The following CDK8 variants were observed in gnomAD, a reference collection of about 807,000 sequenced individuals.
CDK8 encodes cyclin-dependent kinase 8.
A neutral mutation model predicts 71.5 loss-of-function variants in CDK8; 29 were observed. The observed-to-expected ratio is 0.41, with a 90% CI of 0.30 to 0.55. The LOEUF (loss-of-function observed/expected upper bound fraction) is 0.55, where lower values mean the gene tolerates loss of function less well. Ranked by LOEUF, CDK8 falls within the 20% of genes least tolerant of loss-of-function variation. The pLI is 0.37. For missense variants in CDK8, 288 were observed against 572.6 expected, an observed-to-expected ratio of 0.50 and a Z score of 5.07; for synonymous variants, 161 against 192.1, an observed-to-expected ratio of 0.84 and a Z score of 1.34.
Position 26,254,284 on chromosome 13 carries a change from C to G in CDK8, c.-358C>G, listed in dbSNP as rs1871410387. ...CCTGGCCGCCCCGCCGCTCCCGCCGCAGCAGGAGCAGAACGCGCGGCCGGA... is the reference window on the plus strand; with the variant it reads ...CCTGGCCGCCCCGCCGCTCCCGCCGGAGCAGGAGCAGAACGCGCGGCCGGA... On this transcript the variant is annotated 5_prime_UTR_variant, in exon 1 of 13. Coordinates refer to ENST00000381527, the MANE Select transcript of CDK8 (RefSeq NM_001260.3). The surrounding 1 kb of genome is among the most constrained non-coding windows in gnomAD (Gnocchi z 6.7). 1 of 278,766 alleles carries G rather than the reference C, an allele frequency of 3.6e-6. No homozygotes were observed. The highest frequency in any genetic ancestry group is 6.8e-6 in the Non-Finnish European group (1 of 146,222). 17.3% of individuals were successfully genotyped at this position (278,766 alleles called of 1,614,324 possible).
At chr13:26,310,722 T>G (rs551973818) in intron 1 of CDK8, among the ~76,000 whole-genome samples, 1 of 152,232 alleles carries the variant, frequency 6.6e-6, no homozygotes, top group East Asian at 1.9e-4. Flanking sequence ...GCAGCCCAGT[T>G]CCTAACAGGC....
chr13:26,330,208 CATTT>C (rs763709347), intron 1 of CDK8, among the ~76,000 whole-genome samples: 9 of 151,988 alleles, frequency 5.9e-5, no homozygotes, highest in Non-Finnish European at 1.2e-4. Context: ...GAATTTATTT[CATTT>C]ATTTATTTTT....
chr13:26,293,112 C>T (rs950888567), intron 1 of CDK8, among the ~76,000 whole-genome samples: 1 of 152,078 alleles, frequency 6.6e-6, no homozygotes, highest in African/African-American at 2.4e-5. Flanking sequence ...TTGATAATTT[C>T]TCTTTTTGTA....
chr13:26,269,662 A>G (rs1872204343), intron 1 of CDK8, among the ~76,000 whole-genome samples: 1 of 152,140 alleles, frequency 6.6e-6, no homozygotes, highest in Non-Finnish European at 1.5e-5. Context: ...CTTTAAAACA[A>G]TCTTGCTTTG....
intron 1 of CDK8, among the ~76,000 whole-genome samples, chr13:26,259,633 A>G (rs978860677): frequency 2.6e-5 from 4 of 152,176 alleles, no homozygotes; most frequent in Non-Finnish European, 5.9e-5. Context: ...ATATCAGTGC[A>G]TTCAGATCCG....
intron 1 of CDK8, among the ~76,000 whole-genome samples, chr13:26,271,873 T>A (rs1003877769): frequency 1.4e-5 from 2 of 140,364 alleles, no homozygotes; most frequent in Non-Finnish European, 3.0e-5. Flanking sequence ...GGTATACCTG[T>A]GTAGGGTACT....
chr13:26,387,557 G>C (rs1016715626), intron 6 of CDK8, among the ~76,000 whole-genome samples: 3 of 152,172 alleles, frequency 2.0e-5, no homozygotes, highest in Non-Finnish European at 4.4e-5. Context: ...GTACCTGGCA[G>C]CCCCAGGGTG....
At chr13:26,285,627 A>G (rs1218405273) in intron 1 of CDK8, among the ~76,000 whole-genome samples, 1 of 152,210 alleles carries the variant, frequency 6.6e-6, no homozygotes, top group Non-Finnish European at 1.5e-5. Flanking sequence ...ACATTGTACT[A>G]GAAGTCCCAG....
At chr13:26,328,436 C>T (rs1313416783) in intron 1 of CDK8, among the ~76,000 whole-genome samples, 1 of 152,166 alleles carries the variant, frequency 6.6e-6, no homozygotes, top group Non-Finnish European at 1.5e-5. Context: ...CCTATCTTTG[C>T]AACTGAAAAT....
chr13:26,322,894 A>G (rs575083005), intron 1 of CDK8, among the ~76,000 whole-genome samples: 2 of 152,258 alleles, frequency 1.3e-5, no homozygotes, highest in African/African-American at 4.8e-5. Flanking sequence ...TATCTTTGGC[A>G]TTTGCCAAAT....
At chr13:26,347,445 A>G (rs1387024858) in intron 2 of CDK8, among the ~76,000 whole-genome samples, 1 of 152,216 alleles carries the variant, frequency 6.6e-6, no homozygotes, top group Non-Finnish European at 1.5e-5. Flanking sequence ...AAGGATTACA[A>G]ACTACAGATT....
In CDK8 at chr13:26,330,592, T is replaced by G. The variant is rs116972733; in HGVS notation, c.129-6975T>G. On this transcript the variant is annotated intron_variant, in intron 1 of 12. Transcript: ENST00000381527. The stretch of plus-strand genomic sequence containing the variant: ...TGCCTCCCACTTAACCTTCCCAGTC[T>G]CTCTGTTATCTGTTTTTCCACTCTT... Among the ~76,000 whole-genome samples the G allele has an allele frequency of 7.8e-3, 1,184 of 152,292 alleles. 4 individuals carry two copies. Among genetic ancestry groups the G allele is most frequent in the Non-Finnish European group, 0.012 (838 of 68,024 alleles).
rs892844718 is a variant in CDK8, at chr13:26,254,937, C to G, written c.128+168C>G. Reference sequence around the variant, plus strand: ...GGGGAGGAAGTGGTGTACGAGGGATCCAAACCCACGAGAAATCCTGCGTGC... The same window carrying G: ...GGGGAGGAAGTGGTGTACGAGGGATGCAAACCCACGAGAAATCCTGCGTGC... On this transcript the variant is annotated intron_variant, in intron 1 of 12. Coordinates refer to ENST00000381527, the MANE Select transcript of CDK8 (RefSeq NM_001260.3). The surrounding 1 kb of genome is among the most constrained non-coding windows in gnomAD (Gnocchi z 6.7). Among the ~76,000 whole-genome samples, 1 of 152,228 alleles carries G rather than the reference C, an allele frequency of 6.6e-6. No individual in the cohort carries two copies. The highest frequency in any genetic ancestry group is 1.5e-5 in the Non-Finnish European group (1 of 68,036).
intron 9 of CDK8, among the ~76,000 whole-genome samples, chr13:26,398,627 C>A (rs61944783): frequency 0.055 from 8,301 of 152,198 alleles, 361 homozygotes; most frequent in African/African-American, 0.11. Flanking sequence ...AATATCAGAT[C>A]ATTAAAATTA....
At chr13:26,311,177 GA>G (rs1224475262) in intron 1 of CDK8, among the ~76,000 whole-genome samples, 4 of 150,214 alleles carry the variant, frequency 2.7e-5, no homozygotes, top group Admixed American at 1.3e-4. Context: ...ATATTTTACT[GA>G]AAAAAAATGG....
chr13:26,292,503 T>G (rs1037193855), intron 1 of CDK8, among the ~76,000 whole-genome samples: 1 of 152,236 alleles, frequency 6.6e-6, no homozygotes, highest in South Asian at 2.1e-4. Context: ...TCTGCAGATT[T>G]GTTTTAAGGG....
rs1410003655 is a variant in CDK8 at position 26,273,410 on chromosome 13, A to G, written c.128+18641A>G. ...TTATTTTTCACTTTTCTAATAGATT[A>G]TAATGTTGGATATGTTAGAAATGTA... On this transcript the variant is annotated intron_variant, in intron 1 of 12. Transcript: ENST00000381527. Among the ~76,000 whole-genome samples the G allele has an allele frequency of 5.9e-5, 9 of 152,252 alleles. No homozygotes were observed. In the South Asian group the frequency reaches 6.2e-4, roughly 11 times the overall value.
chr13:26,334,926 G>A (rs961312783), intron 1 of CDK8, among the ~76,000 whole-genome samples: 1 of 152,080 alleles, frequency 6.6e-6, no homozygotes, highest in Non-Finnish European at 1.5e-5. Flanking sequence ...ATCTGTATTC[G>A]TTCCTTTATC....
intron 6 of CDK8, among the ~76,000 whole-genome samples, chr13:26,388,271 A>G (rs996550874): frequency 1.3e-5 from 2 of 152,222 alleles, no homozygotes; most frequent in African/African-American, 4.8e-5. Flanking sequence ...TAACTTTTCT[A>G]TAAATATAAA....
Sources: gnomAD v4.1 joint callset for allele counts (sites outside exome capture counted in the v4.1 genomes callset) on GRCh38, gnomAD v4.1.1 for gene constraint, Gnocchi (gnomAD v3.1) non-coding constraint, MANE v1.5 for transcripts, NCBI Gene and HGNC (gene_info 2026-07-23, HGNC 2026-07-21) for gene names.